The following CCT2 variants were observed in gnomAD, a reference collection of about 807,000 sequenced individuals.
CCT2 encodes chaperonin containing TCP1 subunit 2.
CCT2 carries 18 observed loss-of-function variants against 61.8 expected under a neutral mutation model. That is an observed-to-expected ratio of 0.29 (90% CI 0.20 to 0.43). The LOEUF is 0.43. CCT2 is among the 20% of genes least tolerant of loss of function. The pLI is 1.00. For missense variants in CCT2, 556 were observed against 656.9 expected (o/e 0.85, Z 1.68); for synonymous variants, 248 against 215.9 (o/e 1.15, Z -1.30).
intron 15 of CCT2, among the ~76,000 whole-genome samples, chr12:69,600,235 T>C (rs1177620891): frequency 2.0e-5 from 3 of 152,186 alleles, no homozygotes; most frequent in Admixed American, 2.0e-4. Context: ...GAAAGAGCCA[T>C]GCTTGGAAAG....
At position 69,587,250 on chromosome 12, in the gene CCT2, G is replaced by A. The variant is rs201624457; in HGVS notation, c.145-255G>A. On this transcript the variant is annotated intron_variant, in intron 3 of 15. Transcript: ENST00000299300. ...TTTATAATTTAATTATGGCTGTATT[G>A]ATAGTTTCTTTCCATTGTTTTTGCA... 618 of 408,074 alleles carry A rather than the reference G, an allele frequency of 1.5e-3. 3 individuals are homozygous for A. The highest frequency in any genetic ancestry group is 0.012 in the African/African-American group (560 of 48,670). 25.3% of individuals were successfully genotyped at this position (408,074 alleles called of 1,614,324 possible). A position where few individuals can be genotyped will look rare whatever the true frequency, so the allele number is the denominator to read the frequency against.
At position 69,592,991 on chromosome 12, in the gene CCT2, G is replaced by C; in HGVS notation, c.766G>C (p.Val256Leu). The C allele has an allele frequency of 6.2e-7, 1 of 1,612,880 alleles. No individual in the cohort carries two copies. The highest frequency in any genetic ancestry group is 1.7e-4 in the Middle Eastern group (1 of 6,058). Residue 256 changes from valine (V) to leucine (L), a missense_variant, in exon 9 of 16, where the codon GTA becomes CTA. Coordinates refer to ENST00000299300, the MANE Select transcript of CCT2 (RefSeq NM_006431.3). ...TTTGTCTTAGATATTTGGTTCCCGG[G>C]TAAGAGTTGACTCTACAGCAAAGGT... Reference protein sequence around the residue: ...TDKIKIFGSRVRVDSTAKVAE... With the variant: ...TDKIKIFGSRLRVDSTAKVAE...
At chr12:69,597,880 A>G in intron 12 of CCT2, 88 bp from the exon 13 acceptor site, 1 of 1,420,614 alleles carries the variant, frequency 7.0e-7, no homozygotes, top group Non-Finnish European at 9.7e-7. Flanking sequence ...ACTAAATTTT[A>G]AAATGCTTGG....
At chr12:69,598,183 TC>T in intron 13 of CCT2, 112 bp downstream of exon 13, 1 of 994,386 alleles carries the variant, frequency 1.0e-6, no homozygotes, top group Non-Finnish European at 1.5e-6. Context: ...TTCTGGAGTT[TC>T]TCCTCTTCGT....
chr12:69,597,427 C>G, intron 11 of CCT2, 152 bp downstream of exon 11: 2 of 1,143,564 alleles, frequency 1.7e-6, no homozygotes, highest in Non-Finnish European at 2.5e-6. Flanking sequence ...CTTGAGTCAA[C>G]CTCATATTTA....
chr12:69,586,836 G>A lies in CCT2; in HGVS notation c.144+18G>A. The A allele has an allele frequency of 6.7e-7, 1 of 1,502,288 alleles. No homozygotes were observed. Among genetic ancestry groups the A allele is most frequent in the Non-Finnish European group, 9.1e-7 (1 of 1,099,788 alleles). The allele number at this position is 1,502,288 out of a possible 1,614,324, so 93.1% of individuals were successfully genotyped here. On this transcript the variant is annotated intron_variant, in intron 3 of 15. Transcript: ENST00000299300. ...AAGGCATGGTAAGAAAAATAGAAAA[G>A]TTTTATATTTTAATATTGTTTTAGA...
At chr12:69,594,406 G>A (rs912452414) in intron 10 of CCT2, among the ~76,000 whole-genome samples, 12 of 152,254 alleles carry the variant, frequency 7.9e-5, no homozygotes, top group Admixed American at 6.5e-4. Flanking sequence ...AAAAATTTCT[G>A]AAAGTAATAA....
chr12:69,589,882 G>A, intron 7 of CCT2, 195 bp downstream of exon 7: 1 of 582,412 alleles, frequency 1.7e-6, no homozygotes, highest in Non-Finnish European at 3.0e-6. Context: ...CATTGTTGAT[G>A]ATCTCTAGAG....
intron 2 of CCT2, 53 bp from the exon 3 acceptor site, chr12:69,586,700 G>C (rs1387732517): frequency 1.6e-6 from 2 of 1,212,750 alleles, no homozygotes; most frequent in Admixed American, 2.2e-5. Flanking sequence ...AGATAAAACT[G>C]TACTTGAAGA....
At chr12:69,592,261 A>C in intron 8 of CCT2, 102 bp downstream of exon 8, 1 of 602,078 alleles carries the variant, frequency 1.7e-6, no homozygotes, top group South Asian at 2.3e-5. Flanking sequence ...GGATCATCTG[A>C]GATCAGAAGT....
chr12:69,592,414 C>T (rs556788286), intron 8 of CCT2: 56 of 210,388 alleles, frequency 2.7e-4, no homozygotes, highest in South Asian at 1.9e-3. Context: ...ACCCAGGAGG[C>T]GGAGGTTGCA....
chr12:69,586,191 A>C, intron 1 of CCT2, 79 bp from the exon 2 acceptor site: 1 of 1,171,180 alleles, frequency 8.5e-7, no homozygotes, highest in Non-Finnish European at 1.3e-6. Flanking sequence ...GTCCACTTGT[A>C]AGACTAGTGG....
Position 69,588,026 on chromosome 12 carries a change from T to TC in CCT2, c.333+21dup. 6.2e-7 allele frequency: 1 copy of TC among 1,602,112 alleles called. No homozygotes were observed. The highest frequency in any genetic ancestry group is 8.6e-7 in the Non-Finnish European group (1 of 1,169,174). On this transcript the variant is annotated intron_variant, in intron 5 of 15. Coordinates refer to ENST00000299300, the MANE Select transcript of CCT2 (RefSeq NM_006431.3). ...TTAAGGGTAAGAGCAACTAAGCAAC[T>TC]CTTTTTTCCTACTGTGTTTTTGAGT... is the stretch of plus-strand genomic sequence containing the variant.
intron 11 of CCT2, 65 bp downstream of exon 11, chr12:69,597,340 G>A (rs750245313): frequency 8.9e-5 from 138 of 1,558,460 alleles, no homozygotes; most frequent in Non-Finnish European, 8.3e-5. Flanking sequence ...TGAAGTAAAG[G>A]TTATTGTAGT....
rs1414273967 is a variant in CCT2 at position 69,592,095 on chromosome 12, C to T, written c.686C>T (p.Pro229Leu). The T allele has an allele frequency of 2.5e-6, 4 of 1,600,162 alleles. No individual in the cohort carries two copies. The highest frequency in any genetic ancestry group is 1.3e-5 in the African/African-American group (1 of 74,578). The change falls in exon 8 of 16, where the codon CCA (proline) becomes CTA (leucine). Residue 229 changes from proline (P) to leucine (L), a missense_variant. By Grantham distance (98) the Pro-to-Leu change is moderately conservative. Coordinates refer to ENST00000299300, the MANE Select transcript of CCT2 (RefSeq NM_006431.3). ...GATAAAAAAATTGGAGTAAATCAAC[C>T]AAAACGAATTGAAAATGCTAAAATT... The part of the protein sequence containing the change: ...LLDKKIGVNQ[P>L]KRIENAKILI...
Position 69,592,393 on chromosome 12 carries a change from G to T in CCT2, c.750+234G>T, listed in dbSNP as rs149936228. The T allele has an allele frequency of 6.5e-3, 1,540 of 235,386 alleles. 23 individuals are homozygous for T. Among genetic ancestry groups the T allele is most frequent in the African/African-American group, 0.03 (1,349 of 44,488 alleles). 14.6% of individuals were successfully genotyped at this position (235,386 alleles called of 1,614,324 possible). On this transcript the variant is annotated intron_variant, in intron 8 of 15. Coordinates refer to ENST00000299300, the MANE Select transcript of CCT2 (RefSeq NM_006431.3). The stretch of plus-strand genomic sequence containing the variant: ...AGCTATTCGGGAGGCTGAGGCAGGA[G>T]AATCACTTGAACCCAGGAGGCGGAG...
chr12:69,594,028 T>TG (rs1565800865), intron 10 of CCT2, among the ~76,000 whole-genome samples: 2 of 151,540 alleles, frequency 1.3e-5, no homozygotes, highest in East Asian at 1.9e-4. Flanking sequence ...CCTAGCCACT[T>TG]GGGGGGAGGC....
intron 7 of CCT2, among the ~76,000 whole-genome samples, chr12:69,590,788 C>T (rs1266103163): frequency 6.6e-6 from 1 of 151,206 alleles, no homozygotes; most frequent in Non-Finnish European, 1.5e-5. Context: ...ATGATCTCGC[C>T]TCACTGCAAC....
In CCT2 at chr12:69,597,194, G is replaced by T. The variant is rs770956335; in HGVS notation, c.1021G>T (p.Val341Leu). 1.2e-6 allele frequency: 2 copies of T among 1,613,944 alleles called. No homozygotes were observed. Among genetic ancestry groups the T allele is most frequent in the Admixed American group, 1.7e-5 (1 of 60,018 alleles). The change falls in exon 11 of 16, where the codon GTG becomes TTG. Residue 341 changes from valine to leucine, a missense_variant. Physicochemically the swap from Val to Leu is conservative, Grantham distance 32. Coordinates refer to ENST00000299300, the MANE Select transcript of CCT2 (RefSeq NM_006431.3). ...CTCTACCTTTGATCACCCAGAACTG[G>T]TGAAGCTTGGAAGTTGCAAACTTAT... ...IASTFDHPELVKLGSCKLIEE... is the reference protein window; with the variant it reads ...IASTFDHPELLKLGSCKLIEE...
Sources: gnomAD v4.1 joint callset for allele counts (sites outside exome capture counted in the v4.1 genomes callset) on GRCh38, gnomAD v4.1.1 for gene constraint, MANE v1.5 for transcripts, NCBI Gene and HGNC (gene_info 2026-07-23, HGNC 2026-07-21) for gene names.